The following POU6F2 variants were observed in gnomAD, a reference collection of about 807,000 sequenced individuals.
POU6F2 encodes the protein POU class 6 homeobox 2, also known as POU domain, class 6, transcription factor 2.
In POU6F2, 31 loss-of-function variants were observed where a neutral mutation model predicts 71.3. The ratio of observed to expected loss-of-function variants is 0.43; its 90% CI spans 0.33 to 0.59. The LOEUF (loss-of-function observed/expected upper bound fraction) is 0.59, where lower values mean the gene tolerates loss of function less well. Ranked by LOEUF, POU6F2 falls within the 20% of genes least tolerant of loss-of-function variation. The pLI, the probability that POU6F2 is intolerant of heterozygous loss-of-function variation, is 0.04. For missense variants in POU6F2, 783 were observed against 856.8 expected (o/e 0.91, Z 1.07); for synonymous variants, 347 against 355.7 (o/e 0.98, Z 0.27).
In POU6F2 at chr7:39,288,762, C is replaced by T. The variant is rs550586507; in HGVS notation, c.599-50880C>T. Among the ~76,000 whole-genome samples the T allele has an allele frequency of 1.2e-4, 18 of 152,226 alleles. No homozygotes were observed. The South Asian group carries it at 2.9e-3, about 25-fold the overall frequency. On this transcript the variant is annotated intron_variant, in intron 4 of 9. Transcript: ENST00000518318. The stretch of plus-strand genomic sequence containing the variant: ...ATCAGAGTGTCTGGCACATAGAAGA[C>T]GCTCAGTCAATGTTGGCCACCGAAA...
At chr7:39,215,410 A>T (rs1794220442) in intron 4 of POU6F2, among the ~76,000 whole-genome samples, 1 of 152,240 alleles carries the variant, frequency 6.6e-6, no homozygotes, top group Admixed American at 6.5e-5. Flanking sequence ...AGAAAAAGAA[A>T]AAACCTAGAG....
At chr7:39,054,653 G>A (rs1790469916) in intron 1 of POU6F2, among the ~76,000 whole-genome samples, 1 of 151,948 alleles carries the variant, frequency 6.6e-6, no homozygotes, top group Non-Finnish European at 1.5e-5. Context: ...GCTTCTTTGA[G>A]GAAGGTTGCT....
chr7:39,423,068 A>G (rs1019518711), intron 6 of POU6F2, among the ~76,000 whole-genome samples: 4 of 152,192 alleles, frequency 2.6e-5, no homozygotes, highest in African/African-American at 4.8e-5. Flanking sequence ...TCATATTTCA[A>G]TGAAGGGTTA....
chr7:39,095,438 C>T (rs1584539707), intron 2 of POU6F2, among the ~76,000 whole-genome samples: 1 of 152,132 alleles, frequency 6.6e-6, no homozygotes, highest in Admixed American at 6.5e-5. Flanking sequence ...CAGCTGCCTG[C>T]TTACAAAAAA....
At chr7:39,453,934 C>A (rs1475036023) in intron 8 of POU6F2, among the ~76,000 whole-genome samples, 1 of 152,160 alleles carries the variant, frequency 6.6e-6, no homozygotes, top group African/African-American at 2.4e-5. Flanking sequence ...TCTAACAGTA[C>A]CACTAGGGGT....
At chr7:39,322,160 C>A (rs1785410338) in intron 4 of POU6F2, among the ~76,000 whole-genome samples, 1 of 152,190 alleles carries the variant, frequency 6.6e-6, no homozygotes, top group African/African-American at 2.4e-5. Context: ...GCTCATCCAT[C>A]CTATACTTTT....
At chr7:39,209,467 C>T (rs1232632245) in intron 4 of POU6F2, among the ~76,000 whole-genome samples, 1 of 152,084 alleles carries the variant, frequency 6.6e-6, no homozygotes, top group Admixed American at 6.6e-5. Context: ...ATTTGACTGA[C>T]GTTGGAGGGA....
At position 39,254,281 on chromosome 7, in the gene POU6F2, C is replaced by T. The variant is rs571977177; in HGVS notation, c.598+46661C>T. Reference sequence around the variant, plus strand: ...TATTTTTTTGTTTAAACATTCGCAACGGCCTGATATCCATTAAAATACCGT... The same window carrying T: ...TATTTTTTTGTTTAAACATTCGCAATGGCCTGATATCCATTAAAATACCGT... On this transcript the variant is annotated intron_variant, in intron 4 of 9. Coordinates refer to ENST00000518318, the MANE Select transcript of POU6F2 (RefSeq NM_001370959.1). Among the ~76,000 whole-genome samples the T allele has an allele frequency of 5.8e-4, 89 of 152,228 alleles. 2 individuals are homozygous for T. In the South Asian group the frequency reaches 0.018, roughly 30 times the overall value.
At chr7:39,226,223 T>A (rs117261153) in intron 4 of POU6F2, among the ~76,000 whole-genome samples, 1 of 152,158 alleles carries the variant, frequency 6.6e-6, no homozygotes. Flanking sequence ...TCTGTGACAT[T>A]TTTACATTTA....
chr7:39,202,599 A>T (rs920416515), intron 2 of POU6F2, among the ~76,000 whole-genome samples: 5 of 152,224 alleles, frequency 3.3e-5, no homozygotes, highest in Non-Finnish European at 7.3e-5. Flanking sequence ...GGACTTGGGT[A>T]TATAAGAAAG....
At chr7:39,318,574 T>G (rs948545388) in intron 4 of POU6F2, among the ~76,000 whole-genome samples, 6 of 152,194 alleles carry the variant, frequency 3.9e-5, no homozygotes, top group African/African-American at 1.4e-4. Context: ...ATACAGTGCA[T>G]TTAACCCAGT....
intron 4 of POU6F2, among the ~76,000 whole-genome samples, chr7:39,209,691 C>T (rs1236383216): frequency 6.6e-6 from 1 of 152,216 alleles, no homozygotes; most frequent in African/African-American, 2.4e-5. Context: ...AGCCAGTGGT[C>T]ACCTTGTAAT....
chr7:39,398,865 A>C (rs1053203548), intron 5 of POU6F2, among the ~76,000 whole-genome samples: 3 of 152,218 alleles, frequency 2.0e-5, no homozygotes, highest in Admixed American at 2.0e-4. Flanking sequence ...ATTATCTCAT[A>C]TATTCTTCAC....
intron 1 of POU6F2, among the ~76,000 whole-genome samples, chr7:39,042,925 A>G (rs765804780): frequency 6.6e-6 from 1 of 151,894 alleles, no homozygotes; most frequent in Non-Finnish European, 1.5e-5. Context: ...GCATCCTCCA[A>G]TCAGAGGCCT....
At chr7:39,121,039 G>A (rs1291624020) in intron 2 of POU6F2, 1 of 152,182 alleles carries the variant, frequency 6.6e-6, no homozygotes, top group Non-Finnish European at 1.5e-5. Context: ...TATATCATAT[G>A]TAAGTAAGGG....
chr7:38,978,120 C>T (rs995224240), intron 1 of POU6F2, 62 bp downstream of exon 1: 2 of 152,172 alleles, frequency 1.3e-5, no homozygotes, highest in Non-Finnish European at 2.9e-5. Context: ...ATATGATTCA[C>T]ATAATTCATA....
rs186049445 is a variant in POU6F2, at chr7:39,319,642, G to A, written c.599-20000G>A. Among the ~76,000 whole-genome samples the A allele has an allele frequency of 2.7e-3, 418 of 152,290 alleles. 1 individual carries two copies. Among genetic ancestry groups the A allele is most frequent in the Middle Eastern group, 0.01 (3 of 294 alleles). The stretch of plus-strand genomic sequence containing the variant: ...CAAGCCTCAAGTGCCAGCCACCAGG[G>A]CCACAATCTCTCCATAGCCTCCCTG... On this transcript the variant is annotated intron_variant, in intron 4 of 9. Coordinates refer to ENST00000518318, the MANE Select transcript of POU6F2 (RefSeq NM_001370959.1).
chr7:39,425,133 G>A (rs17712867), intron 6 of POU6F2, among the ~76,000 whole-genome samples: 15,035 of 151,850 alleles, frequency 0.099, 983 homozygotes, highest in East Asian at 0.18. Flanking sequence ...AAGCACTTTT[G>A]GAATTGGCAT....
At chr7:39,259,818 C>A (rs1342156551) in intron 4 of POU6F2, among the ~76,000 whole-genome samples, 1 of 152,064 alleles carries the variant, frequency 6.6e-6, no homozygotes, top group East Asian at 1.9e-4. Context: ...GAGCCTGCCC[C>A]AGCTCTCAGC....
Sources: allele counts gnomAD v4.1 joint callset (sites outside exome capture counted in the v4.1 genomes callset), GRCh38; gene constraint gnomAD v4.1.1; transcripts MANE v1.5; gene names NCBI Gene and HGNC (gene_info 2026-07-23, HGNC 2026-07-21).